The following MNAT1 variants were observed in gnomAD, a reference collection of about 807,000 sequenced individuals.
MNAT1 encodes CDK-activating kinase assembly factor MAT1.
MNAT1 carries 43 observed loss-of-function variants against 42.0 expected under a neutral mutation model. That is an observed-to-expected ratio of 1.02 (90% CI 0.80 to 1.32). The LOEUF (loss-of-function observed/expected upper bound fraction) is 1.32, where lower values mean the gene tolerates loss of function less well. Ranked by LOEUF, MNAT1 falls within the 40% of genes most tolerant of loss-of-function variation. MNAT1 has a pLI of 0.00. For missense variants in MNAT1, 306 were observed against 350.4 expected (o/e 0.87, Z 1.01); for synonymous variants, 118 against 120.0 (o/e 0.98, Z 0.11).
At chr14:60,937,705 C>T (rs1198768192) in intron 7 of MNAT1, among the ~76,000 whole-genome samples, 6 of 152,048 alleles carry the variant, frequency 3.9e-5, no homozygotes, top group Non-Finnish European at 8.8e-5. Flanking sequence ...ATTGACTTGG[C>T]GATGCGGGCT....
At chr14:60,932,932 A>G (rs1417995276) in intron 7 of MNAT1, among the ~76,000 whole-genome samples, 4 of 152,142 alleles carry the variant, frequency 2.6e-5, no homozygotes, top group Admixed American at 6.5e-5. Context: ...TTTGTAAATA[A>G]TAATAATATG....
At chr14:60,794,792 A>G (rs1365895404) in intron 1 of MNAT1, among the ~76,000 whole-genome samples, 1 of 150,964 alleles carries the variant, frequency 6.6e-6, no homozygotes, top group African/African-American at 2.4e-5. Context: ...TATTTTTCTT[A>G]TTACTTTTCT....
chr14:60,943,271 A>G (rs530381825), intron 7 of MNAT1, among the ~76,000 whole-genome samples: 5 of 152,274 alleles, frequency 3.3e-5, no homozygotes, highest in Non-Finnish European at 7.4e-5. Context: ...TACTGGAAAC[A>G]GTAATTGTAA....
At chr14:60,891,206 C>G (rs539607403) in intron 7 of MNAT1, among the ~76,000 whole-genome samples, 38 of 151,998 alleles carry the variant, frequency 2.5e-4, no homozygotes, top group Admixed American at 2.1e-3. Flanking sequence ...TCTGATTTTA[C>G]TAATTTAAGT....
intron 7 of MNAT1, among the ~76,000 whole-genome samples, chr14:60,950,030 A>C (rs1448274290): frequency 6.6e-6 from 1 of 152,178 alleles, no homozygotes; most frequent in East Asian, 1.9e-4. Flanking sequence ...CATAATTAAG[A>C]GAAAACATCA....
chr14:60,940,014 G>T (rs1431637723), intron 7 of MNAT1, among the ~76,000 whole-genome samples: 2 of 152,110 alleles, frequency 1.3e-5, no homozygotes, highest in African/African-American at 2.4e-5. Context: ...CTTGATCTTT[G>T]TTGGTTTAAA....
At chr14:60,876,284 A>C (rs1293559437) in intron 6 of MNAT1, among the ~76,000 whole-genome samples, 1 of 152,094 alleles carries the variant, frequency 6.6e-6, no homozygotes, top group African/African-American at 2.4e-5. Flanking sequence ...GCTGTGGAAC[A>C]TGGAGGTTAG....
chr14:60,937,995 G>A (rs1245556746), intron 7 of MNAT1, among the ~76,000 whole-genome samples: 2 of 152,118 alleles, frequency 1.3e-5, no homozygotes, highest in Admixed American at 6.5e-5. Context: ...TGAAGCAATT[G>A]TGAATAGGAG....
At position 60,734,822 on chromosome 14, in the gene MNAT1, T is replaced by G. The variant is rs757913680; in HGVS notation, c.-41T>G. On this transcript the variant is annotated 5_prime_UTR_variant, in exon 1 of 8. Transcript: ENST00000261245. The surrounding 1 kb of genome is among the most constrained non-coding windows in gnomAD (Gnocchi z 4.3). ...GAGGGGGCTTGTAGGTGGCTCTGGC[T>G]GAAACAGGCGCCTGCGAGAGTCTGT... 1.9e-6 allele frequency: 3 copies of G among 1,603,344 alleles called. No individual in the cohort carries two copies. The highest frequency in any genetic ancestry group is 2.6e-6 in the Non-Finnish European group (3 of 1,170,520).
chr14:60,741,360 T>C (rs943118036), intron 1 of MNAT1, among the ~76,000 whole-genome samples: 1 of 151,898 alleles, frequency 6.6e-6, no homozygotes, highest in Non-Finnish European at 1.5e-5. Flanking sequence ...ATTTATGTAT[T>C]TATTATTTTT....
chr14:60,742,509 A>G (rs181385945), intron 1 of MNAT1, among the ~76,000 whole-genome samples: 11 of 152,320 alleles, frequency 7.2e-5, no homozygotes, highest in Non-Finnish European at 1.5e-4. Context: ...GTATGTTTTT[A>G]AAAAACTACT....
At chr14:60,748,477 C>T (rs537794987) in intron 1 of MNAT1, among the ~76,000 whole-genome samples, 34 of 152,312 alleles carry the variant, frequency 2.2e-4, no homozygotes, top group African/African-American at 7.9e-4. Flanking sequence ...GTGATCCTCT[C>T]GCCTTGGCCT....
At chr14:60,889,067 A>G (rs899813896) in intron 7 of MNAT1, among the ~76,000 whole-genome samples, 12 of 150,596 alleles carry the variant, frequency 8.0e-5, no homozygotes, top group Non-Finnish European at 1.3e-4. Context: ...CAAGCTACCA[A>G]TGACTTTCTT....
intron 6 of MNAT1, among the ~76,000 whole-genome samples, chr14:60,874,122 G>T (rs971839839): frequency 4.6e-5 from 7 of 152,144 alleles, no homozygotes; most frequent in Non-Finnish European, 4.4e-5. Flanking sequence ...CTTACCAGCA[G>T]TGTATTCACG....
chr14:60,782,611 G>C (rs1247286644), intron 1 of MNAT1, among the ~76,000 whole-genome samples: 4 of 152,268 alleles, frequency 2.6e-5, no homozygotes, highest in African/African-American at 9.6e-5. Context: ...AATGTTTATT[G>C]AGAGTGTACT....
At chr14:60,755,230 G>C (rs1325863316) in intron 1 of MNAT1, among the ~76,000 whole-genome samples, 1 of 151,826 alleles carries the variant, frequency 6.6e-6, no homozygotes, top group African/African-American at 2.4e-5. Flanking sequence ...TGCAACCTCT[G>C]CCTCCCAGGT....
At chr14:60,765,048 C>T (rs1016241003) in intron 1 of MNAT1, among the ~76,000 whole-genome samples, 1 of 152,062 alleles carries the variant, frequency 6.6e-6, no homozygotes, top group Non-Finnish European at 1.5e-5. Context: ...GTCAGGAGTT[C>T]GAGACCAGCC....
chr14:60,768,720 G>A (rs2030934798), intron 1 of MNAT1, among the ~76,000 whole-genome samples: 1 of 152,138 alleles, frequency 6.6e-6, no homozygotes, highest in East Asian at 1.9e-4. Context: ...ATGGATGAGG[G>A]AATTGAGGCT....
intron 6 of MNAT1, among the ~76,000 whole-genome samples, chr14:60,844,575 C>G (rs1377288628): frequency 6.6e-6 from 1 of 151,984 alleles, no homozygotes; most frequent in African/African-American, 2.4e-5. Flanking sequence ...TTCTATTTTA[C>G]TTATTGAGTA....
Sources: gnomAD v4.1 joint callset for allele counts (sites outside exome capture counted in the v4.1 genomes callset) on GRCh38, gnomAD v4.1.1 for gene constraint, Gnocchi (gnomAD v3.1) non-coding constraint, MANE v1.5 for transcripts, NCBI Gene and HGNC (gene_info 2026-07-23, HGNC 2026-07-21) for gene names.